The following CFAP299 variants were observed in gnomAD, a reference collection of about 807,000 sequenced individuals.
CFAP299 encodes cilia and flagella associated protein 299.
In CFAP299, 21 loss-of-function variants were observed where a neutral mutation model predicts 27.0. That is an observed-to-expected ratio of 0.78 (90% CI 0.55 to 1.12). The LOEUF (loss-of-function observed/expected upper bound fraction) is 1.12, where lower values mean the gene tolerates loss of function less well. Ranked by LOEUF, CFAP299 falls within the 50% of genes most tolerant of loss-of-function variation. CFAP299 has a pLI of 0.00. For synonymous variants in CFAP299, 104 were observed against 98.1 expected (o/e 1.06, Z -0.36); for missense variants, 310 against 276.6 (o/e 1.12, Z -0.86).
At chr4:80,385,697 C>G (rs2110024886) in intron 2 of CFAP299, among the ~76,000 whole-genome samples, 1 of 152,328 alleles carries the variant, frequency 6.6e-6, no homozygotes, top group East Asian at 1.9e-4. Flanking sequence ...TCCTAAAAGC[C>G]AACATCACAG....
chr4:80,630,931 C>T (rs1370733087), intron 3 of CFAP299, among the ~76,000 whole-genome samples: 7 of 152,018 alleles, frequency 4.6e-5, no homozygotes, highest in African/African-American at 1.4e-4. Context: ...AATAGACCCT[C>T]ACCAATTTCC....
chr4:80,494,516 G>A (rs1199186085), intron 2 of CFAP299, among the ~76,000 whole-genome samples: 1 of 152,140 alleles, frequency 6.6e-6, no homozygotes, highest in Non-Finnish European at 1.5e-5. Flanking sequence ...TAGATGATCT[G>A]ACAGTTGCCT....
intron 3 of CFAP299, among the ~76,000 whole-genome samples, chr4:80,659,075 G>A (rs1740701549): frequency 6.6e-6 from 1 of 152,058 alleles, no homozygotes; most frequent in South Asian, 2.1e-4. Flanking sequence ...CTTTAGTTCT[G>A]AATCAAACTA....
Position 80,538,539 on chromosome 4 carries a change from G to A in CFAP299, c.243-44554G>A, listed in dbSNP as rs113649685. Among the ~76,000 whole-genome samples, 629 of 151,510 alleles carry A rather than the reference G, an allele frequency of 4.2e-3. 3 individuals carry two copies. Among genetic ancestry groups the A allele is most frequent in the African/African-American group, 0.014 (593 of 41,306 alleles). Reference sequence around the variant, plus strand: ...TCTATAAACTTCATTAATGGTGAGTGCCTTATGCAGGTGTACCATTTTTTA... The same window carrying A: ...TCTATAAACTTCATTAATGGTGAGTACCTTATGCAGGTGTACCATTTTTTA... On this transcript the variant is annotated intron_variant, in intron 2 of 5. Coordinates refer to ENST00000358105, the MANE Select transcript of CFAP299 (RefSeq NM_152770.3).
chr4:80,933,166 C>G (rs200090975), intron 4 of CFAP299, among the ~76,000 whole-genome samples: 13 of 134,564 alleles, frequency 9.7e-5, no homozygotes, highest in African/African-American at 2.6e-4. Flanking sequence ...CTTTCCTTTC[C>G]TTTCTTTCTT....
intron 3 of CFAP299, among the ~76,000 whole-genome samples, chr4:80,699,272 G>A (rs1721311896): frequency 6.6e-6 from 1 of 152,010 alleles, no homozygotes; most frequent in African/African-American, 2.4e-5. Flanking sequence ...TTGCTTTATT[G>A]GGCATAGCAG....
intron 3 of CFAP299, among the ~76,000 whole-genome samples, chr4:80,846,798 A>AT (rs1418182308): frequency 6.6e-6 from 1 of 151,870 alleles, no homozygotes; most frequent in African/African-American, 2.4e-5. Flanking sequence ...TTTATCTCTG[A>AT]TTTTTTAGTC....
At chr4:80,718,232 G>A (rs1408448851) in intron 3 of CFAP299, among the ~76,000 whole-genome samples, 1 of 152,012 alleles carries the variant, frequency 6.6e-6, no homozygotes, top group Non-Finnish European at 1.5e-5. Context: ...AAAATCATAG[G>A]AGATTCTAGC....
the CFAP299 span, among the ~76,000 whole-genome samples, chr4:80,325,987 A>G: frequency 6.6e-6 from 1 of 152,236 alleles, no homozygotes; most frequent in African/African-American, 2.4e-5. Flanking sequence ...AGCCAGATAT[A>G]TAAGATAGTC....
chr4:80,335,583 G>A (rs1281014161), upstream of CFAP299: 1 of 600,004 alleles, frequency 1.7e-6, no homozygotes, highest in African/African-American at 1.9e-5. Context: ...ACTTGGGTGG[G>A]TAATTCCAGA....
At chr4:80,329,147 T>A in the CFAP299 span, among the ~76,000 whole-genome samples, 198 of 150,788 alleles carry the variant, frequency 1.3e-3, 1 homozygote, top group African/African-American at 4.4e-3. Context: ...CCAAGATAAT[T>A]CTTCTTCCAA....
intron 3 of CFAP299, among the ~76,000 whole-genome samples, chr4:80,764,067 C>T (rs1725702985): frequency 6.6e-6 from 1 of 152,166 alleles, no homozygotes; most frequent in Non-Finnish European, 1.5e-5. Flanking sequence ...GACTAAAACA[C>T]CAACAGTAGT....
At chr4:80,612,509 T>C (rs1738040183) in intron 3 of CFAP299, among the ~76,000 whole-genome samples, 1 of 152,106 alleles carries the variant, frequency 6.6e-6, no homozygotes, top group South Asian at 2.1e-4. Context: ...TGCAGAAACA[T>C]CCCATCCATA....
chr4:80,833,715 A>G (rs756370628), intron 3 of CFAP299, among the ~76,000 whole-genome samples: 5 of 152,200 alleles, frequency 3.3e-5, no homozygotes, highest in Non-Finnish European at 7.3e-5. Flanking sequence ...CTGCAAGTAA[A>G]CAGTGGAATC....
intron 2 of CFAP299, among the ~76,000 whole-genome samples, chr4:80,431,005 G>T (rs559992536): frequency 2.0e-5 from 3 of 152,102 alleles, no homozygotes; most frequent in African/African-American, 7.2e-5. Context: ...ATTCACCTTC[G>T]TGAGACCTCC....
intron 3 of CFAP299, among the ~76,000 whole-genome samples, chr4:80,688,203 C>T (rs1720364039): frequency 2.0e-5 from 3 of 152,250 alleles, no homozygotes; most frequent in Non-Finnish European, 4.4e-5. Flanking sequence ...TCAAGGAGGC[C>T]TGCCTGCCTC....
chr4:80,571,156 A>T (rs901932270), intron 2 of CFAP299, among the ~76,000 whole-genome samples: 8 of 152,110 alleles, frequency 5.3e-5, no homozygotes, highest in Non-Finnish European at 8.8e-5. Flanking sequence ...AGGTGGGAAA[A>T]TGGAGTTGTG....
chr4:80,855,096 C>G (rs1339844385), intron 3 of CFAP299, among the ~76,000 whole-genome samples: 1 of 151,866 alleles, frequency 6.6e-6, no homozygotes, highest in African/African-American at 2.4e-5. Flanking sequence ...TGATGGAGGT[C>G]AGAAAACAGT....
chr4:80,871,539 A>G, intron 4 of CFAP299: 4 of 985,420 alleles, frequency 4.1e-6, no homozygotes, highest in Non-Finnish European at 2.4e-6. Context: ...GAAGCCTGCT[A>G]TTGCTTCTGT....
Sources: allele counts gnomAD v4.1 joint callset (sites outside exome capture counted in the v4.1 genomes callset), GRCh38; gene constraint gnomAD v4.1.1; transcripts MANE v1.5; gene names NCBI Gene and HGNC (gene_info 2026-07-23, HGNC 2026-07-21).